Variants in ZBBX observed in about 807,000 individuals in gnomAD.
ZBBX encodes the protein zinc finger B-box domain-containing protein 1.
In ZBBX, 101 loss-of-function variants were observed where a neutral mutation model predicts 108.5. That is an observed-to-expected ratio of 0.93 (90% CI 0.79 to 1.10). ZBBX has a LOEUF of 1.10. Ranked by LOEUF, ZBBX falls within the 50% of genes least tolerant of loss-of-function variation. The probability of loss-of-function intolerance (pLI) is 0.00; values close to 1 mark genes in which losing one functional copy is unlikely to be tolerated. For missense variants in ZBBX, 1,009 were observed against 941.4 expected (o/e 1.07, Z -0.94); for synonymous variants, 356 against 323.4 (o/e 1.10, Z -1.08).
the ZBBX span, among the ~76,000 whole-genome samples, chr3:167,222,463 A>C: frequency 6.6e-6 from 1 of 151,560 alleles, no homozygotes; most frequent in East Asian, 1.9e-4. Context: ...TAATGTGGAC[A>C]AAAAAAATAG....
At chr3:167,319,637 C>T (rs1736081106) in intron 12 of ZBBX, among the ~76,000 whole-genome samples, 1 of 151,946 alleles carries the variant, frequency 6.6e-6, no homozygotes, top group African/African-American at 2.4e-5. Flanking sequence ...CCGTAGGCTA[C>T]AGATAAAAGC....
chr3:167,383,057 T>C (rs1027493352), upstream of ZBBX, among the ~76,000 whole-genome samples: 2 of 152,156 alleles, frequency 1.3e-5, no homozygotes, highest in African/African-American at 4.8e-5. Context: ...CTGTATCACA[T>C]GTATATTCTC....
chr3:167,330,945 T>TTCTCTC (rs151154237), intron 10 of ZBBX, among the ~76,000 whole-genome samples: 8 of 87,212 alleles, frequency 9.2e-5, no homozygotes, highest in Admixed American at 1.4e-4. Context: ...CTCTCTTTCT[T>TTCTCTC]TCTCTCTCTC....
intron 6 of ZBBX, among the ~76,000 whole-genome samples, chr3:167,361,954 T>C (rs1287073742): frequency 1.3e-5 from 2 of 152,156 alleles, no homozygotes; most frequent in Non-Finnish European, 2.9e-5. Context: ...ATTGTTCTGC[T>C]CTATGAATAC....
intron 20 of ZBBX, among the ~76,000 whole-genome samples, chr3:167,244,483 G>A (rs929795258): frequency 6.6e-6 from 1 of 152,176 alleles, no homozygotes; most frequent in African/African-American, 2.4e-5. Context: ...GCTGTTCCGA[G>A]TTGTGCAAAT....
At chr3:167,273,817 T>C (rs1226758910) in intron 20 of ZBBX, among the ~76,000 whole-genome samples, 2 of 152,176 alleles carry the variant, frequency 1.3e-5, no homozygotes, top group Non-Finnish European at 2.9e-5. Flanking sequence ...CTGACGTTTA[T>C]TTAGATGCAA....
At chr3:167,285,756 G>A (rs940917061) in intron 19 of ZBBX, among the ~76,000 whole-genome samples, 2 of 152,020 alleles carry the variant, frequency 1.3e-5, no homozygotes, top group South Asian at 2.1e-4. Context: ...CAGGATTGGG[G>A]TATTCAAAAG....
chr3:167,345,114 T>C (rs13433693), intron 9 of ZBBX, among the ~76,000 whole-genome samples: 59,226 of 151,646 alleles, frequency 0.39, 12,024 homozygotes, highest in East Asian at 0.67. Flanking sequence ...AATACAGTTT[T>C]ACGCTATTTC....
upstream of ZBBX, chr3:167,380,365 T>G (rs1274571560): frequency 6.6e-6 from 1 of 152,096 alleles, no homozygotes; most frequent in Non-Finnish European, 1.5e-5. Flanking sequence ...ACCAGAAAGC[T>G]GGGTTCTGCC....
intron 9 of ZBBX, among the ~76,000 whole-genome samples, chr3:167,346,065 T>C (rs968768000): frequency 2.0e-5 from 3 of 151,904 alleles, no homozygotes; most frequent in African/African-American, 7.2e-5. Context: ...TAATTAACAT[T>C]GTCTCTTCTG....
chr3:167,311,621 T>G (rs1734595659), intron 16 of ZBBX, among the ~76,000 whole-genome samples: 1 of 151,820 alleles, frequency 6.6e-6, no homozygotes, highest in African/African-American at 2.4e-5. Flanking sequence ...AAACATTAGC[T>G]AAAAACCTGA....
At chr3:167,255,379 C>T (rs1206960851) in intron 20 of ZBBX, among the ~76,000 whole-genome samples, 1 of 151,684 alleles carries the variant, frequency 6.6e-6, no homozygotes, top group African/African-American at 2.4e-5. Flanking sequence ...ATAAAAGGCT[C>T]AGGATTGGGA....
the ZBBX span, among the ~76,000 whole-genome samples, chr3:167,208,190 G>T: frequency 6.6e-6 from 1 of 152,302 alleles, no homozygotes; most frequent in Middle Eastern, 3.4e-3. Flanking sequence ...GCCACTGTGT[G>T]TTAAAGTGCT....
intron 20 of ZBBX, among the ~76,000 whole-genome samples, chr3:167,250,532 C>CTATAAAACT (rs1553780873): frequency 7.6e-5 from 11 of 145,514 alleles, no homozygotes; most frequent in South Asian, 4.4e-4. Flanking sequence ...CCTTATAAAA[C>CTATAAAACT]TTTTTTTTTT....
chr3:167,294,733 G>T (rs890216503), intron 18 of ZBBX, among the ~76,000 whole-genome samples: 3 of 152,080 alleles, frequency 2.0e-5, no homozygotes, highest in Non-Finnish European at 4.4e-5. Flanking sequence ...CACAGCAAAA[G>T]AAACTATCAT....
chr3:167,252,810 A>T (rs965820938), intron 20 of ZBBX, among the ~76,000 whole-genome samples: 1 of 148,010 alleles, frequency 6.8e-6, no homozygotes, highest in Non-Finnish European at 1.5e-5. Context: ...ATTTTTAAAA[A>T]TGGAAAAGCT....
At chr3:167,232,546 T>C in the ZBBX span, among the ~76,000 whole-genome samples, 2 of 151,698 alleles carry the variant, frequency 1.3e-5, no homozygotes, top group Non-Finnish European at 2.9e-5. Flanking sequence ...CAGACTTGAG[T>C]TCCCATCAGA....
intron 20 of ZBBX, among the ~76,000 whole-genome samples, chr3:167,279,074 T>C (rs1728255783): frequency 6.6e-6 from 1 of 150,752 alleles, no homozygotes; most frequent in Non-Finnish European, 1.5e-5. Context: ...AAACTCTCAA[T>C]AAATTAGGCA....
chr3:167,272,348 T>C (rs993893940), intron 20 of ZBBX, among the ~76,000 whole-genome samples: 5 of 152,124 alleles, frequency 3.3e-5, no homozygotes, highest in African/African-American at 9.7e-5. Flanking sequence ...CAGGCACCAC[T>C]CCTAGAGTTC....
Sources: gnomAD v4.1 joint callset for allele counts (sites outside exome capture counted in the v4.1 genomes callset) on GRCh38, gnomAD v4.1.1 for gene constraint, MANE v1.5 for transcripts, NCBI Gene and HGNC (gene_info 2026-07-23, HGNC 2026-07-21) for gene names.